The following LAMC2 variants were observed in gnomAD, a reference collection of about 807,000 sequenced individuals.
LAMC2 encodes laminin subunit gamma 2, also known as laminin subunit gamma-2.
In LAMC2, 97 loss-of-function variants were observed where a neutral mutation model predicts 140.2. That is an observed-to-expected ratio of 0.69 (90% CI 0.59 to 0.82). The LOEUF is 0.82. LAMC2 is among the 40% of genes least tolerant of loss of function. LAMC2 has a pLI of 0.00. For synonymous variants in LAMC2, 513 were observed against 540.2 expected, an observed-to-expected ratio of 0.95 and a Z score of 0.70; for missense variants, 1,402 against 1,476.1, an observed-to-expected ratio of 0.95 and a Z score of 0.82.
chr1:183,186,509 C>T, intron 1 of LAMC2, 78 bp downstream of exon 1: 1 of 1,489,582 alleles, frequency 6.7e-7, no homozygotes, highest in Admixed American at 1.8e-5. Context: ...GATGGCTGAA[C>T]GTACCTCCGA....
intron 2 of LAMC2, among the ~76,000 whole-genome samples, chr1:183,208,924 T>C (rs7521692): frequency 0.035 from 5,389 of 151,872 alleles, 312 homozygotes; most frequent in African/African-American, 0.12. Context: ...CGTGATCCAC[T>C]TGCCTCAGCC....
intron 14 of LAMC2, 29 bp downstream of exon 14, chr1:183,232,886 G>C: frequency 6.2e-7 from 1 of 1,601,114 alleles, no homozygotes; most frequent in Non-Finnish European, 8.6e-7. Flanking sequence ...AGAGTATTGA[G>C]AATACTGCTG....
chr1:183,242,852 T>TC (rs1320488499), intron 22 of LAMC2, among the ~76,000 whole-genome samples: 16 of 151,038 alleles, frequency 1.1e-4, no homozygotes, highest in Admixed American at 2.0e-4. Context: ...TTTTTTTTTT[T>TC]TCATAGCATA....
chr1:183,232,892 T>G, intron 14 of LAMC2, 35 bp downstream of exon 14: 3 of 1,597,374 alleles, frequency 1.9e-6, no homozygotes, highest in Non-Finnish European at 2.6e-6. Flanking sequence ...TTGAGAATAC[T>G]GCTGTGTTGG....
intron 13 of LAMC2, 65 bp from the exon 14 acceptor site, chr1:183,232,570 AGCCAGTCAACCCTCCGT>A: frequency 7.7e-7 from 1 of 1,305,336 alleles, no homozygotes; most frequent in Non-Finnish European, 1.1e-6. Context: ...TTTGACCATA[AGCCAGTCAACCCTCCGT>A]TATGTTTGCT....
At chr1:183,215,272 C>T (rs1208758344) in intron 2 of LAMC2, among the ~76,000 whole-genome samples, 181 bp from the exon 3 acceptor site, 1 of 152,188 alleles carries the variant, frequency 6.6e-6, no homozygotes, top group Non-Finnish European at 1.5e-5. Context: ...GGAAGACATC[C>T]TCAGCTGTCA....
chr1:183,197,539 G>A (rs1658556726), intron 1 of LAMC2, among the ~76,000 whole-genome samples: 1 of 152,110 alleles, frequency 6.6e-6, no homozygotes, highest in Non-Finnish European at 1.5e-5. Context: ...AGCCGGGCGT[G>A]CTGGCGGGCG....
intron 6 of LAMC2, among the ~76,000 whole-genome samples, chr1:183,222,631 C>T (rs552770091): frequency 8.6e-5 from 13 of 151,510 alleles, no homozygotes; most frequent in African/African-American, 2.7e-4. Context: ...GGTGGAAAAG[C>T]GCTGGCTAGA....
chr1:183,204,471 C>A (rs1447458281), intron 1 of LAMC2, among the ~76,000 whole-genome samples: 13 of 145,966 alleles, frequency 8.9e-5, no homozygotes, highest in South Asian at 6.6e-4. Flanking sequence ...AAAAAAAAAA[C>A]CACTACAAAA....
chr1:183,253,227 T>C, the LAMC2 span, among the ~76,000 whole-genome samples: 2 of 148,246 alleles, frequency 1.3e-5, no homozygotes, highest in African/African-American at 4.9e-5. Context: ...CTATGTTATA[T>C]TACATATTTA....
chr1:183,255,825 A>G, the LAMC2 span, among the ~76,000 whole-genome samples: 1 of 151,932 alleles, frequency 6.6e-6, no homozygotes, highest in Non-Finnish European at 1.5e-5. Context: ...CACAATGCCC[A>G]GCTAATTTTT....
At chr1:183,233,956 G>A (rs1003220565) in intron 14 of LAMC2, among the ~76,000 whole-genome samples, 17 of 149,308 alleles carry the variant, frequency 1.1e-4, no homozygotes, top group Non-Finnish European at 1.8e-4. Flanking sequence ...GTGCGATCTC[G>A]GCTCACTGCA....
rs1660065491 is a variant in LAMC2, at chr1:183,239,511, G to A, written c.3017G>A (p.Arg1006Lys). ...ALGSAAADAQ[R>K]AKNGAGEALE... ...GGGAGCGCTGCTGCTGATGCACAGAGGGCAAAGAATGGGGCCGGGGAGGCC... is the reference window on the plus strand; with the variant it reads ...GGGAGCGCTGCTGCTGATGCACAGAAGGCAAAGAATGGGGCCGGGGAGGCC... Residue 1006 changes from arginine (R) to lysine (K), a missense_variant, in exon 20 of 23, where the codon AGG becomes AAG. Arg to Lys is a conservative substitution (Grantham distance 26). Transcript: ENST00000264144. 1.8e-5 allele frequency: 29 copies of A among 1,613,314 alleles called. No individual in the cohort carries two copies. The highest frequency in any genetic ancestry group is 2.3e-5 in the Non-Finnish European group (27 of 1,179,824).
At chr1:183,206,923 A>G (rs1658904076) in intron 1 of LAMC2, among the ~76,000 whole-genome samples, 2 of 152,210 alleles carry the variant, frequency 1.3e-5, no homozygotes, top group Middle Eastern at 3.2e-3. Flanking sequence ...TCCGAGCTGC[A>G]TGTTTCTCTT....
At position 183,235,684 on chromosome 1, in the gene LAMC2, G is replaced by A; in HGVS notation, c.2410G>A (p.Gly804Arg). The A allele has an allele frequency of 3.1e-6, 5 of 1,614,250 alleles. No homozygotes were observed. Among genetic ancestry groups the A allele is most frequent in the Non-Finnish European group, 4.2e-6 (5 of 1,180,048 alleles). ...RKALHEGVGS[G>R]SGSPDGAVVQ... ...GGCCCTGCATGAAGGAGTCGGAAGC[G>A]GAAGCGGTAGCCCGGACGGTGCTGT... The change falls in exon 16 of 23, where the codon GGA becomes AGA. Residue 804 changes from glycine (G) to arginine (R), a missense_variant. Transcript: ENST00000264144.
In LAMC2 at chr1:183,232,546, T is replaced by C. The variant is rs1397410960; in HGVS notation, c.2015-106T>C. 3.5e-6 allele frequency: 4 copies of C among 1,156,608 alleles called. No homozygotes were observed. In the East Asian group the frequency reaches 7.4e-5, roughly 22 times the overall value. 71.6% of individuals were successfully genotyped at this position (1,156,608 alleles called of 1,614,324 possible). On this transcript the variant is annotated intron_variant, in intron 13 of 22. Transcript: ENST00000264144. Reference sequence around the variant, plus strand: ...AAGAATGGTTGGATGCATTTCTCTATTGGGTTTTTGTCATTTGACCATAAG... The same window carrying C: ...AAGAATGGTTGGATGCATTTCTCTACTGGGTTTTTGTCATTTGACCATAAG...
chr1:183,249,464 C>T (rs372096757), downstream of LAMC2: 1 of 152,232 alleles, frequency 6.6e-6, no homozygotes, highest in East Asian at 1.9e-4. Context: ...GCCTTTCTCA[C>T]AACCTCTGAG....
At chr1:183,207,340 C>G (rs776543592) in intron 1 of LAMC2, among the ~76,000 whole-genome samples, 24 of 151,950 alleles carry the variant, frequency 1.6e-4, no homozygotes, top group Non-Finnish European at 8.8e-5. Context: ...CTTCATGGGA[C>G]ACTTGGCTTT....
At chr1:183,201,742 C>T (rs1239926250) in intron 1 of LAMC2, among the ~76,000 whole-genome samples, 1 of 152,174 alleles carries the variant, frequency 6.6e-6, no homozygotes, top group Non-Finnish European at 1.5e-5. Context: ...CCTGTCTCTA[C>T]TAGAAATACT....
Sources: allele counts gnomAD v4.1 joint callset (sites outside exome capture counted in the v4.1 genomes callset), GRCh38; gene constraint gnomAD v4.1.1; transcripts MANE v1.5; gene names NCBI Gene and HGNC (gene_info 2026-07-23, HGNC 2026-07-21).